Variants in CHEK1 observed in about 807,000 individuals in gnomAD.
The protein encoded by CHEK1 is serine/threonine-protein kinase Chk1.
In CHEK1, 32 loss-of-function variants were observed where a neutral mutation model predicts 60.2. That is an observed-to-expected ratio of 0.53 (90% CI 0.40 to 0.71). The LOEUF (loss-of-function observed/expected upper bound fraction) is 0.71. Ranked by LOEUF, CHEK1 falls within the 30% of genes least tolerant of loss-of-function variation. CHEK1 has a pLI of 0.00. For missense variants in CHEK1, 399 were observed against 564.6 expected (o/e 0.71, Z 2.97); for synonymous variants, 179 against 187.2 (o/e 0.96, Z 0.36).
downstream of CHEK1, among the ~76,000 whole-genome samples, chr11:125,659,841 C>T (rs1941980088): frequency 6.6e-6 from 1 of 152,136 alleles, no homozygotes; most frequent in Non-Finnish European, 1.5e-5. Context: ...CAGAAAGAAC[C>T]TCCCTGCTCA....
chr11:125,634,769 G>A (rs375993568), intron 6 of CHEK1, among the ~76,000 whole-genome samples: 24 of 152,214 alleles, frequency 1.6e-4, no homozygotes, highest in East Asian at 7.7e-4. Context: ...TTATGAGTTA[G>A]GATATCAACA....
rs193009453 is a variant in CHEK1 at position 125,643,962 on chromosome 11, G to A, written c.923+62G>A. 2.5e-3 allele frequency: 3,845 copies of A among 1,525,930 alleles called. 4 individuals carry two copies. The highest frequency in any genetic ancestry group is 3.0e-3 in the Non-Finnish European group (3,280 of 1,108,818). 94.5% of individuals were successfully genotyped at this position (1,525,930 alleles called of 1,614,324 possible). A position where few individuals can be genotyped will look rare whatever the true frequency, so the allele number is the denominator to read the frequency against. On this transcript the variant is annotated intron_variant, in intron 9 of 12. Transcript: ENST00000438015. The stretch of plus-strand genomic sequence containing the variant: ...GTATTCCCCATGAAGAATAATACAT[G>A]TATGTGTTTTTTCATAATAATCGAC...
intron 2 of CHEK1, 112 bp from the exon 3 acceptor site, chr11:125,627,495 C>T: frequency 1.2e-6 from 1 of 820,976 alleles, no homozygotes; most frequent in Non-Finnish European, 1.9e-6. Flanking sequence ...CTTGGTTTCT[C>T]CTTTGTGGAA....
chr11:125,647,647 C>A (rs1414577884), intron 11 of CHEK1, among the ~76,000 whole-genome samples: 2 of 151,932 alleles, frequency 1.3e-5, no homozygotes, highest in African/African-American at 4.8e-5. Context: ...GTGCTTGGGA[C>A]CAAAAGTTTT....
At chr11:125,673,207 CTTTTCT>C (rs756592469) in intron 13 of CHEK1, among the ~76,000 whole-genome samples, 21 of 105,310 alleles carry the variant, frequency 2.0e-4, no homozygotes, top group Admixed American at 3.4e-4. Flanking sequence ...CCTTTCTTTT[CTTTTCT>C]TTTTTTTTTT....
chr11:125,631,106 A>T (rs1379024522), intron 5 of CHEK1, among the ~76,000 whole-genome samples: 2 of 152,214 alleles, frequency 1.3e-5, no homozygotes, highest in African/African-American at 4.8e-5. Flanking sequence ...GCAAGGGTAT[A>T]ATAAAACCAA....
downstream of CHEK1, chr11:125,678,429 C>T (rs1170137021): frequency 1.4e-5 from 15 of 1,073,762 alleles, no homozygotes; most frequent in Non-Finnish European, 2.0e-5. Context: ...CACCTGAAGA[C>T]TGCAGATGTT....
At chr11:125,642,157 T>C (rs1941334492) in intron 8 of CHEK1, among the ~76,000 whole-genome samples, 1 of 152,232 alleles carries the variant, frequency 6.6e-6, no homozygotes, top group African/African-American at 2.4e-5. Context: ...ATTCTCTTAC[T>C]TTCTTTGGAT....
intron 8 of CHEK1, among the ~76,000 whole-genome samples, chr11:125,638,690 A>G (rs1321613655): frequency 6.6e-6 from 1 of 151,912 alleles, no homozygotes. Flanking sequence ...CTTATTCTTC[A>G]TTGTCACTTT....
Position 125,633,281 on chromosome 11 carries a change from A to C in CHEK1, c.543A>C (p.Arg181Ser), listed in dbSNP as rs1940938844. 2 of 1,607,064 alleles carry C rather than the reference A, an allele frequency of 1.2e-6. No individual in the cohort carries two copies. The highest frequency in any genetic ancestry group is 1.7e-6 in the Non-Finnish European group (2 of 1,178,100). ...LPYVAPELLK[R>S]REFHAEPVDV... is the part of the protein sequence containing the mutation. ...ATGTTGCTCCAGAACTTCTGAAGAGAAGAGAATTTCATGCAGAACCAGTTG... is the reference window on the plus strand; with the variant it reads ...ATGTTGCTCCAGAACTTCTGAAGAGCAGAGAATTTCATGCAGAACCAGTTG... Residue 181 changes from arginine (R) to serine (S), a missense_variant, in exon 6 of 13, where the codon AGA becomes AGC. Coordinates refer to ENST00000438015, the MANE Select transcript of CHEK1 (RefSeq NM_001114122.3).
chr11:125,641,517 C>G (rs1435024542), intron 8 of CHEK1, among the ~76,000 whole-genome samples: 1 of 152,212 alleles, frequency 6.6e-6, no homozygotes, highest in East Asian at 1.9e-4. Flanking sequence ...TCCAAACTTA[C>G]ATGTCTTAAC....
chr11:125,636,744 T>C (rs1048310664), intron 7 of CHEK1, among the ~76,000 whole-genome samples: 16 of 151,956 alleles, frequency 1.1e-4, no homozygotes, highest in Admixed American at 7.2e-4. Flanking sequence ...TGATAACACA[T>C]TGACCTTTGC....
At chr11:125,647,578 AAG>A (rs1170825105) in intron 11 of CHEK1, among the ~76,000 whole-genome samples, 1 of 152,092 alleles carries the variant, frequency 6.6e-6, no homozygotes, top group Admixed American at 6.6e-5. Flanking sequence ...GGAATTTTAA[AAG>A]AGATTACATT....
In CHEK1 at chr11:125,653,972, T is replaced by TG. The variant is rs1365185043; in HGVS notation, c.1335+126dup. On this transcript the variant is annotated intron_variant, in intron 12 of 12. Coordinates refer to ENST00000438015, the MANE Select transcript of CHEK1 (RefSeq NM_001114122.3). This position sits in a 1 kb window ranked among gnomAD's most constrained non-coding sequence, Gnocchi z 4.3. ...TACTTGCTTTTTTCGTTTAATATTA[T>TG]GAGCATGTGTTTTCGTTATCTATTT... 1.3e-5 allele frequency: 7 copies of TG among 544,140 alleles called. No individual in the cohort carries two copies. The highest frequency in any genetic ancestry group is 2.2e-5 in the Non-Finnish European group (7 of 312,358). 33.7% of individuals were successfully genotyped at this position (544,140 alleles called of 1,614,324 possible).
chr11:125,653,664 C>A lies in CHEK1; in HGVS notation c.1234-82C>A, dbSNP rs1228975185. 2 of 719,392 alleles carry A rather than the reference C, an allele frequency of 2.8e-6. No individual in the cohort carries two copies. Among genetic ancestry groups the A allele is most frequent in the Non-Finnish European group, 4.8e-6 (2 of 418,842 alleles). 44.6% of individuals were successfully genotyped at this position (719,392 alleles called of 1,614,324 possible). On this transcript the variant is annotated intron_variant, in intron 11 of 12. Transcript: ENST00000438015. The surrounding 1 kb of genome is among the most constrained non-coding windows in gnomAD (Gnocchi z 4.3). The stretch of plus-strand genomic sequence containing the variant: ...GTTTTATTTGTAGTTTTTTGAGAAA[C>A]TTCTATTCTGTTCTTCATAGTGGGT...
chr11:125,638,252 TG>T (rs1263862303), intron 8 of CHEK1, among the ~76,000 whole-genome samples: 1 of 152,188 alleles, frequency 6.6e-6, no homozygotes, highest in African/African-American at 2.4e-5. Flanking sequence ...TTTTTTCCAT[TG>T]TTTTTTATGA....
At chr11:125,634,273 T>C (rs561177180) in intron 6 of CHEK1, among the ~76,000 whole-genome samples, 29 of 151,434 alleles carry the variant, frequency 1.9e-4, no homozygotes, top group African/African-American at 6.8e-4. Context: ...GTTTTTTGGG[T>C]TTTTTGTTAA....
intron 5 of CHEK1, among the ~76,000 whole-genome samples, chr11:125,630,118 A>G (rs934271965): frequency 6.6e-6 from 1 of 152,076 alleles, no homozygotes; most frequent in Non-Finnish European, 1.5e-5. Context: ...CTCTTTTTTT[A>G]TGTATGACGT....
intron 3 of CHEK1, 46 bp downstream of exon 3, chr11:125,627,876 T>G (rs781190303): frequency 1.4e-6 from 2 of 1,424,682 alleles, no homozygotes; most frequent in East Asian, 4.8e-5. Context: ...GTTTTTAAAT[T>G]TGTTTTTTAA....
Sources: gnomAD v4.1 joint callset for allele counts (sites outside exome capture counted in the v4.1 genomes callset) on GRCh38, gnomAD v4.1.1 for gene constraint, Gnocchi (gnomAD v3.1) non-coding constraint, MANE v1.5 for transcripts, NCBI Gene and HGNC (gene_info 2026-07-23, HGNC 2026-07-21) for gene names.